The following RGL1 variants were observed in gnomAD, a reference collection of about 807,000 sequenced individuals.
The protein encoded by RGL1 is ral guanine nucleotide dissociation stimulator like 1.
Under a neutral mutation model 95.2 loss-of-function variants are expected in RGL1, and 24 were observed. That is an observed-to-expected ratio of 0.25 (90% confidence interval 0.18 to 0.35). The LOEUF is 0.35. RGL1 is among the 10% of genes least tolerant of loss of function. The probability of loss-of-function intolerance (pLI) is 1.00; values close to 1 mark genes in which losing one functional copy is unlikely to be tolerated. For missense variants in RGL1, 715 were observed against 936.3 expected (o/e 0.76, Z 3.08); for synonymous variants, 329 against 344.9 (o/e 0.95, Z 0.51).
chr1:183,702,779 G>T lies in RGL1; in HGVS notation c.-32-39347G>T, dbSNP rs1378408401. Among the ~76,000 whole-genome samples the T allele has an allele frequency of 2.6e-5, 4 of 152,192 alleles. No homozygotes were observed. The East Asian group carries it at 7.7e-4, about 29-fold the overall frequency. On this transcript the variant is annotated intron_variant, in intron 1 of 18. Transcript: ENST00000304685. ...ACAGATGAATTGTCAGAATTGTAAG[G>T]CTCTTGTATCGGTTTGAACCCTGAA...
In RGL1 at chr1:183,718,981, T is replaced by C. The variant is rs77853317; in HGVS notation, c.-32-23145T>C. Among the ~76,000 whole-genome samples the C allele has an allele frequency of 1.8e-3, 273 of 152,210 alleles. 6 individuals carry two copies. The East Asian group carries it at 0.051, about 28-fold the overall frequency. ...AAAAGCACCTAAGAAGGAGGAAATT[T>C]GAAGTTTACATGAGATAATGCATGT... On this transcript the variant is annotated intron_variant, in intron 1 of 18. Transcript: ENST00000304685.
intron 1 of RGL1, among the ~76,000 whole-genome samples, chr1:183,737,364 A>G (rs1214454533): frequency 6.6e-6 from 1 of 152,238 alleles, no homozygotes; most frequent in African/African-American, 2.4e-5. Context: ...GGAAAATGTT[A>G]TGACCTCCTG....
intron 2 of RGL1, among the ~76,000 whole-genome samples, chr1:183,771,318 A>G (rs1659262573): frequency 6.6e-6 from 1 of 151,606 alleles, no homozygotes; most frequent in Non-Finnish European, 1.5e-5. Context: ...AAAAAACAAG[A>G]AAAAAAATGA....
chr1:183,835,360 T>C (rs1247136135), intron 2 of RGL1, among the ~76,000 whole-genome samples: 2 of 152,230 alleles, frequency 1.3e-5, no homozygotes, highest in Non-Finnish European at 1.5e-5. Context: ...GTCTTTTGAC[T>C]AGAGAGTAGA....
intron 3 of RGL1, among the ~76,000 whole-genome samples, chr1:183,864,164 GA>G (rs896849554): frequency 1.2e-4 from 18 of 151,926 alleles, no homozygotes; most frequent in Non-Finnish European, 2.6e-4. Context: ...AAACCACTTT[GA>G]AAAAAAGACT....
chr1:183,815,848 G>A (rs1029056812), intron 2 of RGL1, among the ~76,000 whole-genome samples: 3 of 152,130 alleles, frequency 2.0e-5, no homozygotes, highest in Non-Finnish European at 4.4e-5. Context: ...GCTCTCGTCA[G>A]CACCCCCACC....
intron 1 of RGL1, among the ~76,000 whole-genome samples, chr1:183,664,573 C>CTTT (rs5779182): frequency 0.013 from 1,918 of 146,682 alleles, 50 homozygotes; most frequent in African/African-American, 0.047. Flanking sequence ...AGAGGGCATA[C>CTTT]TTTTTTTTTT....
chr1:183,910,906 CATGCAG>C (rs1668607041), intron 14 of RGL1, among the ~76,000 whole-genome samples: 2 of 152,204 alleles, frequency 1.3e-5, no homozygotes, highest in African/African-American at 4.8e-5. Flanking sequence ...TTATAGTAGA[CATGCAG>C]ATATTTGTTG....
intron 16 of RGL1, among the ~76,000 whole-genome samples, chr1:183,917,722 C>T (rs1669062787): frequency 6.6e-6 from 1 of 152,162 alleles, no homozygotes. Flanking sequence ...AGGGAGCCCA[C>T]AAAGCATTAT....
At chr1:183,879,364 C>T (rs1666693602) in intron 4 of RGL1, among the ~76,000 whole-genome samples, 1 of 152,224 alleles carries the variant, frequency 6.6e-6, no homozygotes, top group African/African-American at 2.4e-5. Context: ...AAGTTAGACA[C>T]ACCTGTGAAA....
At chr1:183,656,633 C>T (rs966958330) in intron 1 of RGL1, among the ~76,000 whole-genome samples, 2 of 152,220 alleles carry the variant, frequency 1.3e-5, no homozygotes, top group African/African-American at 4.8e-5. Flanking sequence ...CATGCAGCAG[C>T]ACTGGAGATG....
At chr1:183,708,470 T>C (rs1202268052) in intron 1 of RGL1, among the ~76,000 whole-genome samples, 1 of 152,292 alleles carries the variant, frequency 6.6e-6, no homozygotes, top group East Asian at 1.9e-4. Flanking sequence ...TAACCTGGCA[T>C]GACCTCTATG....
chr1:183,838,059 T>C lies in RGL1; in HGVS notation c.139-9507T>C, dbSNP rs368167698. Among the ~76,000 whole-genome samples, 8 of 152,246 alleles carry C rather than the reference T, an allele frequency of 5.3e-5. No homozygotes were observed. The East Asian group carries it at 1.4e-3, about 26-fold the overall frequency. ...GGTGCAGGGGTTGGAGACCCTTGCT[T>C]TAGTTATTGGCATTCTGAGTTTCAA... On this transcript the variant is annotated intron_variant, in intron 2 of 17. Coordinates refer to ENST00000360851, the MANE Select transcript of RGL1 (RefSeq NM_001297671.3).
At chr1:183,924,592 C>A (rs189266754) in intron 17 of RGL1, among the ~76,000 whole-genome samples, 1 of 152,088 alleles carries the variant, frequency 6.6e-6, no homozygotes, top group Non-Finnish European at 1.5e-5. Flanking sequence ...CCTGCACGTT[C>A]TGCACATGTA....
intron 4 of RGL1, among the ~76,000 whole-genome samples, chr1:183,869,815 G>A (rs888716030): frequency 6.6e-6 from 1 of 152,122 alleles, no homozygotes; most frequent in Non-Finnish European, 1.5e-5. Context: ...AAATTTCCTG[G>A]TCATCCCAGA....
At chr1:183,825,021 AGAAAG>A (rs1266595515) in intron 2 of RGL1, among the ~76,000 whole-genome samples, 2 of 152,236 alleles carry the variant, frequency 1.3e-5, no homozygotes, top group Non-Finnish European at 2.9e-5. Context: ...AAAACCTAGA[AGAAAG>A]CATTGATAGC....
chr1:183,784,755 C>A (rs1314573373), intron 2 of RGL1, among the ~76,000 whole-genome samples: 1 of 152,146 alleles, frequency 6.6e-6, no homozygotes, highest in African/African-American at 2.4e-5. Context: ...AAAATTAAAA[C>A]AGAGGAATAT....
At chr1:183,755,502 T>C (rs1473119625) in intron 2 of RGL1, among the ~76,000 whole-genome samples, 4 of 152,106 alleles carry the variant, frequency 2.6e-5, no homozygotes, top group South Asian at 2.1e-4. Flanking sequence ...TATCTTTATA[T>C]AATTTCAGTA....
chr1:183,906,767 C>T (rs555036574), intron 13 of RGL1, among the ~76,000 whole-genome samples: 4 of 146,352 alleles, frequency 2.7e-5, no homozygotes, highest in South Asian at 2.2e-4. Flanking sequence ...ATTTGAAACA[C>T]GCAGAACTAA....
Sources: gnomAD v4.1 joint callset for allele counts (sites outside exome capture counted in the v4.1 genomes callset) on GRCh38, gnomAD v4.1.1 for gene constraint, MANE v1.5 for transcripts, NCBI Gene and HGNC (gene_info 2026-07-23, HGNC 2026-07-21) for gene names.